The following ARHGEF33 variants were observed in gnomAD, a reference collection of about 807,000 sequenced individuals.
ARHGEF33 encodes the protein DH and coiled-coil domain-containing protein ENSP00000381780.
ARHGEF33 carries 72 observed loss-of-function variants against 101.9 expected under a neutral mutation model. That is an observed-to-expected ratio of 0.71 (90% confidence interval 0.58 to 0.86). The LOEUF (loss-of-function observed/expected upper bound fraction) is 0.86, where lower values mean the gene tolerates loss of function less well. Among genes scored for constraint, ARHGEF33 ranks in the 40% least tolerant of loss-of-function variants. The probability of loss-of-function intolerance (pLI) is 0.00; values close to 1 mark genes in which losing one functional copy is unlikely to be tolerated. For missense variants in ARHGEF33, 1,169 were observed against 1,111.3 expected, an observed-to-expected ratio of 1.05 and a Z score of -0.74; for synonymous variants, 499 against 442.5, an observed-to-expected ratio of 1.13 and a Z score of -1.60.
At chr2:38,922,515 G>A (rs974877582) in intron 4 of ARHGEF33, among the ~76,000 whole-genome samples, 10 of 152,156 alleles carry the variant, frequency 6.6e-5, no homozygotes, top group Non-Finnish European at 1.0e-4. Flanking sequence ...ACAGGATTAC[G>A]AAAACATTAT....
intron 14 of ARHGEF33, 80 bp from the exon 15 acceptor site, chr2:38,957,954 T>C: frequency 2.0e-6 from 3 of 1,476,180 alleles, no homozygotes; most frequent in Non-Finnish European, 2.8e-6. Context: ...GACATCTCTC[T>C]ATCTTTTTTG....
rs1218000735 is a variant in ARHGEF33 at position 38,959,953 on chromosome 2, G to C, written c.1648G>C (p.Glu550Gln). 3.9e-6 allele frequency: 6 copies of C among 1,551,460 alleles called. No individual in the cohort carries two copies. Among genetic ancestry groups the C allele is most frequent in the Non-Finnish European group, 4.4e-6 (5 of 1,146,904 alleles). The change falls in exon 16 of 18, where the codon GAG becomes CAG. Residue 550 changes from glutamate (E) to glutamine (Q), a missense_variant. By Grantham distance (29) the Glu-to-Gln change is conservative. Transcript: ENST00000409978. ...GGAGGGCAGGAAGCACGAGCGGCCC[G>C]AGAGCCTTCTGGCACCGACGCAGTT... ...ELEGRKHERPESLLAPTQFCA... is the reference protein window; with the variant it reads ...ELEGRKHERPQSLLAPTQFCA...
chr2:38,946,050 C>G (rs1667442601), intron 10 of ARHGEF33, among the ~76,000 whole-genome samples: 1 of 152,212 alleles, frequency 6.6e-6, no homozygotes, highest in Admixed American at 6.5e-5. Context: ...TTGTCTCTTC[C>G]TATTTCAAAA....
chr2:38,944,838 A>G (rs1233927834), intron 10 of ARHGEF33, among the ~76,000 whole-genome samples: 2 of 150,612 alleles, frequency 1.3e-5, no homozygotes, highest in South Asian at 4.2e-4. Flanking sequence ...GGGCCTTATT[A>G]TTCATGTGGG....
intron 2 of ARHGEF33, among the ~76,000 whole-genome samples, chr2:38,906,273 G>C (rs1229080313): frequency 6.6e-6 from 1 of 151,860 alleles, no homozygotes; most frequent in Non-Finnish European, 1.5e-5. Context: ...ATGTAATTCA[G>C]TTTGGAGGTA....
At chr2:38,923,625 T>C (rs1239902943) in intron 4 of ARHGEF33, among the ~76,000 whole-genome samples, 5 of 152,202 alleles carry the variant, frequency 3.3e-5, no homozygotes, top group African/African-American at 1.2e-4. Context: ...TGGCATATAA[T>C]ACATATTCAA....
chr2:38,951,639 G>T (rs1447296518), intron 11 of ARHGEF33, among the ~76,000 whole-genome samples: 1 of 150,858 alleles, frequency 6.6e-6, no homozygotes, highest in Non-Finnish European at 1.5e-5. Flanking sequence ...ATTAAAACAT[G>T]TATATATATG....
chr2:38,915,616 C>A (rs1666614682), intron 2 of ARHGEF33, among the ~76,000 whole-genome samples: 1 of 152,120 alleles, frequency 6.6e-6, no homozygotes, highest in African/African-American at 2.4e-5. Context: ...AAGCTATCCA[C>A]CTGCCTCGGC....
At chr2:38,946,560 A>T (rs1667456373) in intron 10 of ARHGEF33, among the ~76,000 whole-genome samples, 1 of 152,086 alleles carries the variant, frequency 6.6e-6, no homozygotes, top group African/African-American at 2.4e-5. Context: ...TTAGATTTTC[A>T]TTATCCTCCT....
At chr2:38,914,630 G>A (rs1162632546) in intron 2 of ARHGEF33, among the ~76,000 whole-genome samples, 2 of 139,248 alleles carry the variant, frequency 1.4e-5, no homozygotes, top group African/African-American at 5.4e-5. Flanking sequence ...TCTCACCACT[G>A]TACTCCAGCC....
chr2:38,902,975 G>T (rs547959829), intron 2 of ARHGEF33, among the ~76,000 whole-genome samples: 1 of 152,246 alleles, frequency 6.6e-6, no homozygotes. Context: ...TATCCTTGAT[G>T]TAGGGTAGTA....
chr2:38,929,428 A>C (rs1009096303), intron 5 of ARHGEF33, among the ~76,000 whole-genome samples: 4 of 144,912 alleles, frequency 2.8e-5, no homozygotes, highest in Non-Finnish European at 6.1e-5. Context: ...ACTCTGTCTT[A>C]AAAAAAAAAA....
chr2:38,916,735 A>G (rs1215246865), intron 2 of ARHGEF33, among the ~76,000 whole-genome samples: 1 of 151,244 alleles, frequency 6.6e-6, no homozygotes, highest in Non-Finnish European at 1.5e-5. Context: ...TGCTTTATAA[A>G]CCTCAGTATG....
chr2:38,962,941 G>A (rs1367948201), intron 16 of ARHGEF33, among the ~76,000 whole-genome samples: 2 of 150,474 alleles, frequency 1.3e-5, no homozygotes, highest in South Asian at 2.1e-4. Flanking sequence ...AGAGAATGGC[G>A]TGAACCCGGG....
intron 10 of ARHGEF33, among the ~76,000 whole-genome samples, chr2:38,949,984 A>G (rs899818655): frequency 2.0e-5 from 3 of 152,172 alleles, no homozygotes; most frequent in Admixed American, 2.0e-4. Flanking sequence ...GTGCTAAACC[A>G]TTCACGAGAA....
chr2:38,965,475 C>T (rs1668032826), intron 16 of ARHGEF33, among the ~76,000 whole-genome samples: 1 of 152,192 alleles, frequency 6.6e-6, no homozygotes, highest in South Asian at 2.1e-4. Context: ...TTGACATTTA[C>T]TTCTAAACAG....
chr2:38,960,568 G>T lies in ARHGEF33; in HGVS notation c.2263G>T (p.Ala755Ser), dbSNP rs780366114. Residue 755 changes from alanine to serine, a missense_variant, in exon 16 of 18, where the codon GCC becomes TCC. Coordinates refer to ENST00000409978, the MANE Select transcript of ARHGEF33 (RefSeq NM_001145451.5). The stretch of plus-strand genomic sequence containing the variant: ...GCACGGCCCGGCCGCCGCCGCCGTC[G>T]CCGCCCGCGGCGCATCCAGGACCTT... ...QAHGPAAAAV[A>S]ARGASRTFFP... The T allele has an allele frequency of 2.4e-6, 3 of 1,275,730 alleles. No individual in the cohort carries two copies. Among genetic ancestry groups the T allele is most frequent in the Non-Finnish European group, 3.0e-6 (3 of 993,386 alleles). 79.0% of individuals were successfully genotyped at this position (1,275,730 alleles called of 1,614,324 possible). A position where few individuals can be genotyped will look rare whatever the true frequency, so the allele number is the denominator to read the frequency against.
chr2:38,950,817 G>A lies in ARHGEF33; in HGVS notation c.921-172G>A, dbSNP rs141358750. Among the ~76,000 whole-genome samples the A allele has an allele frequency of 2.8e-3, 432 of 152,136 alleles. 1 individual carries two copies. The highest frequency in any genetic ancestry group is 0.01 in the Middle Eastern group (3 of 294). On this transcript the variant is annotated intron_variant, in intron 10 of 17. Transcript: ENST00000409978. ...TGTTTTGTTTTGTTTTTCTGTAGTC[G>A]GGATATCTGCTATTAGGTGTGCAAT...
At chr2:38,934,139 G>C (rs1403497026) in intron 7 of ARHGEF33, among the ~76,000 whole-genome samples, 1 of 151,984 alleles carries the variant, frequency 6.6e-6, no homozygotes. Flanking sequence ...ACTCAATATT[G>C]GCTTTCATCC....
Sources: allele counts gnomAD v4.1 joint callset (sites outside exome capture counted in the v4.1 genomes callset), GRCh38; gene constraint gnomAD v4.1.1; transcripts MANE v1.5; gene names NCBI Gene and HGNC (gene_info 2026-07-23, HGNC 2026-07-21).